The following SERAC1 variants were observed in gnomAD, a reference collection of about 807,000 sequenced individuals.
The protein encoded by SERAC1 is protein SERAC1.
SERAC1 carries 36 observed loss-of-function variants against 85.7 expected under a neutral mutation model. That is an observed-to-expected ratio of 0.42 (90% CI 0.32 to 0.55). The LOEUF (loss-of-function observed/expected upper bound fraction) is 0.55, where lower values mean the gene tolerates loss of function less well. Among genes scored for constraint, SERAC1 ranks in the 20% least tolerant of loss-of-function variants. The pLI, the probability that SERAC1 is intolerant of heterozygous loss-of-function variation, is 0.11. For synonymous variants in SERAC1, 242 were observed against 265.3 expected, an observed-to-expected ratio of 0.91 and a Z score of 0.85; for missense variants, 629 against 796.2, an observed-to-expected ratio of 0.79 and a Z score of 2.53.
intron 1 of SERAC1, chr6:158,162,138 G>C (rs1785502045): frequency 6.6e-6 from 1 of 152,184 alleles, no homozygotes; most frequent in African/African-American, 2.4e-5. Flanking sequence ...CTCTGTGTCT[G>C]TCTTCTTACC....
intron 8 of SERAC1, 67 bp from the exon 9 acceptor site, chr6:158,130,553 A>G: frequency 1.1e-6 from 1 of 940,864 alleles, no homozygotes. Context: ...GACAAAAAAA[A>G]AGAAATCTCT....
chr6:158,166,750 T>C (rs550375233), intron 1 of SERAC1, among the ~76,000 whole-genome samples: 10 of 152,352 alleles, frequency 6.6e-5, no homozygotes, highest in African/African-American at 2.2e-4. Context: ...AATGCCATTA[T>C]GAATAGTGTC....
At chr6:158,138,579 C>G (rs1784848975) in intron 8 of SERAC1, among the ~76,000 whole-genome samples, 1 of 152,030 alleles carries the variant, frequency 6.6e-6, no homozygotes, top group African/African-American at 2.4e-5. Context: ...GTCTCAGGAG[C>G]TCCGACATGG....
At chr6:158,134,628 A>G (rs1331415337) in intron 8 of SERAC1, among the ~76,000 whole-genome samples, 4 of 152,118 alleles carry the variant, frequency 2.6e-5, no homozygotes, top group Admixed American at 6.6e-5. Context: ...GAGAAATGAG[A>G]GGAAGAAGAA....
intron 2 of SERAC1, among the ~76,000 whole-genome samples, chr6:158,157,479 T>C (rs1785381241): frequency 6.6e-6 from 1 of 152,172 alleles, no homozygotes; most frequent in African/African-American, 2.4e-5. Context: ...AGAAACTCCA[T>C]GAGGAAAAGG....
At chr6:158,157,791 A>G (rs1426636442) in intron 2 of SERAC1, among the ~76,000 whole-genome samples, 1 of 152,224 alleles carries the variant, frequency 6.6e-6, no homozygotes, top group Non-Finnish European at 1.5e-5. Context: ...ACAGATAATT[A>G]AGTTCTATAC....
In SERAC1 at chr6:158,154,952, A is replaced by G. The variant is rs370884572; in HGVS notation, c.128+363T>C. On this transcript the variant is annotated intron_variant, in intron 3 of 16. Transcript: ENST00000647468. ...CCGGAGCTGAGTGAGTGCCTGATTT[A>G]AGTGCGCCGGAGCTGAGTGAGTGCC... Among the ~76,000 whole-genome samples, 234 of 152,014 alleles carry G rather than the reference A, an allele frequency of 1.5e-3. 2 individuals carry two copies. Among genetic ancestry groups the G allele is most frequent in the African/African-American group, 5.3e-3 (221 of 41,462 alleles).
At chr6:158,161,375 C>T (rs1785483894) in intron 1 of SERAC1, 1 of 146,962 alleles carries the variant, frequency 6.8e-6, no homozygotes, top group Non-Finnish European at 1.5e-5. Context: ...GAGTAAGACT[C>T]TGTCTCAGAA....
chr6:158,130,756 A>G (rs1784654118), intron 8 of SERAC1, among the ~76,000 whole-genome samples: 1 of 152,220 alleles, frequency 6.6e-6, no homozygotes, highest in Non-Finnish European at 1.5e-5. Flanking sequence ...AGACTAACTC[A>G]CAATTCTTTT....
At chr6:158,166,598 T>C (rs2095022819) in intron 1 of SERAC1, among the ~76,000 whole-genome samples, 1 of 152,222 alleles carries the variant, frequency 6.6e-6, no homozygotes, top group African/African-American at 2.4e-5. Flanking sequence ...GACATCTTTT[T>C]GTTGAGTCTT....
chr6:158,151,684 C>CA (rs1583601283), intron 3 of SERAC1, among the ~76,000 whole-genome samples: 2 of 152,152 alleles, frequency 1.3e-5, no homozygotes, highest in Non-Finnish European at 2.9e-5. Context: ...CTCGGCCTCC[C>CA]AAAGTGCTGG....
intron 6 of SERAC1, chr6:158,146,411 T>TC (rs1428333125): frequency 1.4e-5 from 2 of 141,780 alleles, no homozygotes; most frequent in Non-Finnish European, 2.9e-5. Context: ...TTTTTTTTTT[T>TC]TTTTTTTTTT....
intron 1 of SERAC1, chr6:158,159,381 C>T (rs1277542893): frequency 2.0e-5 from 3 of 151,780 alleles, no homozygotes; most frequent in African/African-American, 7.3e-5. Context: ...CTCCTGTAGT[C>T]CCAGCTACTC....
intron 8 of SERAC1, 77 bp downstream of exon 8, chr6:158,142,979 G>T: frequency 1.7e-6 from 2 of 1,183,088 alleles, no homozygotes; most frequent in Non-Finnish European, 2.5e-6. Flanking sequence ...GTTACTGGGT[G>T]AATGCCAGCC....
At chr6:158,151,582 C>T (rs886208224) in intron 3 of SERAC1, among the ~76,000 whole-genome samples, 2 of 152,072 alleles carry the variant, frequency 1.3e-5, no homozygotes, top group Non-Finnish European at 2.9e-5. Flanking sequence ...CCACCACGCC[C>T]GGGTAATTTT....
At chr6:158,124,523 G>A (rs944280569) in intron 10 of SERAC1, among the ~76,000 whole-genome samples, 1 of 152,100 alleles carries the variant, frequency 6.6e-6, no homozygotes, top group Admixed American at 6.6e-5. Context: ...AAAATGATAT[G>A]TATAAGGTAA....
In SERAC1 at chr6:158,146,823, A is replaced by C. The variant is rs1583595071; in HGVS notation, c.446T>G (p.Leu149Arg). 1 of 1,613,966 alleles carries C rather than the reference A, an allele frequency of 6.2e-7. No individual in the cohort carries two copies. The highest frequency in any genetic ancestry group is 8.5e-7 in the Non-Finnish European group (1 of 1,179,922). Residue 149 changes from leucine (L) to arginine (R), a missense_variant, in exon 6 of 17, where the codon CTC (leucine) becomes CGC (arginine). Transcript: ENST00000647468. ...CTCCGACATTTCCCGCACAGCCTCG[A>C]GTCGCGTGGTTTTGTCATCTGACTT... is the stretch of plus-strand genomic sequence containing the variant. ...KSKSDDKTTR[L>R]EAVREMSETH...
At chr6:158,118,947 AAG>A in intron 12 of SERAC1, 80 bp downstream of exon 12, 2 of 1,515,700 alleles carry the variant, frequency 1.3e-6, no homozygotes, top group Non-Finnish European at 1.8e-6. Flanking sequence ...TCCCAGAACA[AAG>A]AGAAAAACAA....
intron 7 of SERAC1, among the ~76,000 whole-genome samples, 192 bp downstream of exon 7, chr6:158,144,107 A>G (rs1042516385): frequency 2.0e-5 from 3 of 152,234 alleles, no homozygotes; most frequent in African/African-American, 7.2e-5. Context: ...AGAAAATAAT[A>G]TAGAAGGAAC....
Sources: allele counts gnomAD v4.1 joint callset (sites outside exome capture counted in the v4.1 genomes callset), GRCh38; gene constraint gnomAD v4.1.1; transcripts MANE v1.5; gene names NCBI Gene and HGNC (gene_info 2026-07-23, HGNC 2026-07-21).